Variants in ARL15 observed in about 807,000 individuals in gnomAD.
The protein encoded by ARL15 is ADP-ribosylation factor-like protein 15.
A neutral mutation model predicts 25.2 loss-of-function variants in ARL15; 19 were observed. The ratio of observed to expected loss-of-function variants is 0.75; its 90% CI spans 0.53 to 1.10. The LOEUF is 1.10. Ranked by LOEUF, ARL15 falls within the 50% of genes least tolerant of loss-of-function variation. The pLI, the probability that ARL15 is intolerant of heterozygous loss-of-function variation, is 0.00. For missense variants in ARL15, 220 were observed against 246.0 expected, an observed-to-expected ratio of 0.89 and a Z score of 0.71; for synonymous variants, 94 against 86.8, an observed-to-expected ratio of 1.08 and a Z score of -0.46.
chr5:54,228,770 G>T (rs925601328), intron 1 of ARL15, among the ~76,000 whole-genome samples: 1 of 152,104 alleles, frequency 6.6e-6, no homozygotes. Context: ...AACTGCGCTA[G>T]TCTCATGGAT....
At chr5:53,950,322 A>C (rs1006133976) in intron 4 of ARL15, among the ~76,000 whole-genome samples, 4 of 152,098 alleles carry the variant, frequency 2.6e-5, no homozygotes, top group Non-Finnish European at 4.4e-5. Context: ...CACTTCTACT[A>C]AGCCAGATGG....
chr5:54,028,511 TAAAAAA>T (rs71598893), intron 4 of ARL15, among the ~76,000 whole-genome samples: 1 of 144,982 alleles, frequency 6.9e-6, no homozygotes, highest in Non-Finnish European at 1.5e-5. Context: ...TTTAGTAAAT[TAAAAAA>T]AAAAAAAAAC....
intron 4 of ARL15, among the ~76,000 whole-genome samples, chr5:53,977,219 TGGTGGCGGGCGC>T (rs1214208489): frequency 4.0e-5 from 6 of 151,834 alleles, no homozygotes; most frequent in Non-Finnish European, 8.8e-5. Flanking sequence ...TAGCCGGGCG[TGGTGGCGGGCGC>T]CTGTAGTCCC....
intron 1 of ARL15, among the ~76,000 whole-genome samples, chr5:54,179,347 G>C (rs549458151): frequency 1.3e-5 from 2 of 152,158 alleles, no homozygotes; most frequent in Admixed American, 1.3e-4. Context: ...GGGGTGTTCT[G>C]TTCTTTTGAG....
intron 4 of ARL15, among the ~76,000 whole-genome samples, chr5:54,079,047 C>A (rs867458278): frequency 6.6e-6 from 1 of 151,846 alleles, no homozygotes; most frequent in Non-Finnish European, 1.5e-5. Flanking sequence ...AAAAAGTAAA[C>A]GATATTTACA....
intron 3 of ARL15, among the ~76,000 whole-genome samples, chr5:54,143,267 A>G (rs145550583): frequency 1.2e-4 from 19 of 152,184 alleles, no homozygotes; most frequent in Admixed American, 1.0e-3. Context: ...AGCTTTATAT[A>G]GTTCAGGATT....
intron 1 of ARL15, among the ~76,000 whole-genome samples, chr5:54,206,906 C>G (rs2112496419): frequency 6.6e-6 from 1 of 152,284 alleles, no homozygotes; most frequent in South Asian, 2.1e-4. Context: ...AAAAAGTAAG[C>G]AATTAAAATA....
At chr5:54,231,582 T>C (rs995316121) in intron 1 of ARL15, among the ~76,000 whole-genome samples, 3 of 152,192 alleles carry the variant, frequency 2.0e-5, no homozygotes, top group Non-Finnish European at 2.9e-5. Context: ...TATCTTAGCT[T>C]AGGCTACCAT....
chr5:54,028,081 C>A (rs530577338), intron 4 of ARL15, among the ~76,000 whole-genome samples: 6 of 151,950 alleles, frequency 3.9e-5, no homozygotes, highest in Non-Finnish European at 8.8e-5. Flanking sequence ...CCACCACGCC[C>A]GGCTAATTTT....
At chr5:53,992,986 CTG>C (rs1298228630) in intron 4 of ARL15, among the ~76,000 whole-genome samples, 2 of 151,750 alleles carry the variant, frequency 1.3e-5, no homozygotes, top group Non-Finnish European at 2.9e-5. Flanking sequence ...GTGGAAGTTG[CTG>C]TGAGCCAAGA....
At chr5:53,958,907 G>T (rs1747263486) in intron 4 of ARL15, among the ~76,000 whole-genome samples, 1 of 152,158 alleles carries the variant, frequency 6.6e-6, no homozygotes, top group Non-Finnish European at 1.5e-5. Flanking sequence ...CAAAGTATAT[G>T]AAGCCAACAT....
intron 1 of ARL15, among the ~76,000 whole-genome samples, chr5:54,279,557 C>A (rs1314551101): frequency 6.6e-6 from 1 of 152,166 alleles, no homozygotes; most frequent in African/African-American, 2.4e-5. Context: ...AATTATCTCC[C>A]AAAGGCCCCA....
chr5:54,175,325 T>G (rs1754835865), intron 1 of ARL15, among the ~76,000 whole-genome samples: 1 of 151,316 alleles, frequency 6.6e-6, no homozygotes, highest in African/African-American at 2.4e-5. Flanking sequence ...GTCTTTTCTC[T>G]TCTTTCTTTC....
intron 4 of ARL15, among the ~76,000 whole-genome samples, chr5:53,939,174 G>A (rs7737026): frequency 0.091 from 13,838 of 152,110 alleles, 769 homozygotes; most frequent in African/African-American, 0.15. Flanking sequence ...AGGCACTCTG[G>A]ATGAGTGAAA....
intron 4 of ARL15, among the ~76,000 whole-genome samples, chr5:53,982,041 G>A: frequency 6.6e-6 from 1 of 152,156 alleles, no homozygotes; most frequent in East Asian, 1.9e-4. Context: ...GGAACCAAGA[G>A]AGAACACTAA....
chr5:53,961,579 C>T (rs1747374927), intron 4 of ARL15, among the ~76,000 whole-genome samples: 3 of 150,598 alleles, frequency 2.0e-5, no homozygotes, highest in Admixed American at 6.6e-5. Flanking sequence ...GATGCAAAAA[C>T]CACTTTTAAA....
chr5:53,937,173 A>G (rs893918179), intron 4 of ARL15, among the ~76,000 whole-genome samples: 3 of 152,184 alleles, frequency 2.0e-5, no homozygotes, highest in Non-Finnish European at 4.4e-5. Flanking sequence ...TGGCATAGTG[A>G]CCAATTACAA....
intron 4 of ARL15, among the ~76,000 whole-genome samples, chr5:53,978,632 A>G (rs1295122626): frequency 4.0e-5 from 6 of 150,166 alleles, no homozygotes; most frequent in South Asian, 2.1e-4. Flanking sequence ...CAAAAAAAAA[A>G]AAAAGAAAAG....
At chr5:54,037,665 T>C (rs1281146685) in intron 4 of ARL15, among the ~76,000 whole-genome samples, 1 of 152,104 alleles carries the variant, frequency 6.6e-6, no homozygotes, top group Non-Finnish European at 1.5e-5. Flanking sequence ...CATTGTGAAC[T>C]TCAGGGATGA....
Sources: allele counts gnomAD v4.1 joint callset (sites outside exome capture counted in the v4.1 genomes callset), GRCh38; gene constraint gnomAD v4.1.1; transcripts MANE v1.5; gene names NCBI Gene and HGNC (gene_info 2026-07-23, HGNC 2026-07-21).